Variants in ECHDC3 observed in about 807,000 individuals in gnomAD.
The protein encoded by ECHDC3 is enoyl-CoA hydratase domain containing 3, also known as enoyl-CoA hydratase domain-containing protein 3, mitochondrial.
In ECHDC3, 20 loss-of-function variants were observed where a neutral mutation model predicts 17.9. The observed-to-expected ratio is 1.12, with a 90% CI of 0.79 to 1.63. The LOEUF (loss-of-function observed/expected upper bound fraction) is 1.63. Among genes scored for constraint, ECHDC3 ranks in the 40% most tolerant of loss-of-function variants. The pLI is 0.00. For synonymous variants in ECHDC3, 177 were observed against 149.7 expected, an observed-to-expected ratio of 1.18 and a Z score of -1.33; for missense variants, 407 against 357.7, an observed-to-expected ratio of 1.14 and a Z score of -1.11.
chr10:11,763,733 A>AG lies in ECHDC3; in HGVS notation c.*191dup. On this transcript the variant is annotated 3_prime_UTR_variant, in exon 5 of 5. Transcript: ENST00000379215. This position sits in a 1 kb window ranked among gnomAD's most constrained non-coding sequence, Gnocchi z 4.9. ...GAAAGGACAAAATGGAGAGTGACTG[A>AG]GGTGCTGACCTCAGTGCAAGGCTGG... 1 of 1,402,138 alleles carries AG rather than the reference A, an allele frequency of 7.1e-7. No individual in the cohort carries two copies. Among genetic ancestry groups the AG allele is most frequent in the Non-Finnish European group, 9.3e-7 (1 of 1,079,870 alleles). 86.9% of individuals were successfully genotyped at this position (1,402,138 alleles called of 1,614,324 possible).
chr10:11,757,175 TG>T (rs1832893569), intron 4 of ECHDC3, among the ~76,000 whole-genome samples: 1 of 152,246 alleles, frequency 6.6e-6, no homozygotes, highest in African/African-American at 2.4e-5. Context: ...GACAGCTGCT[TG>T]TCCTCTTCAA....
At chr10:11,761,095 A>G (rs544693187) in intron 4 of ECHDC3, among the ~76,000 whole-genome samples, 4 of 152,208 alleles carry the variant, frequency 2.6e-5, no homozygotes, top group African/African-American at 4.8e-5. Flanking sequence ...TGTGGGCTCC[A>G]TCTCCACCCA....
chr10:11,759,863 C>G (rs1280706778), intron 4 of ECHDC3, among the ~76,000 whole-genome samples: 1 of 152,206 alleles, frequency 6.6e-6, no homozygotes, highest in Non-Finnish European at 1.5e-5. Context: ...ATTATACGAG[C>G]CTTGCACCTG....
At chr10:11,748,754 C>A (rs956374355) in intron 2 of ECHDC3, among the ~76,000 whole-genome samples, 1 of 152,084 alleles carries the variant, frequency 6.6e-6, no homozygotes, top group Non-Finnish European at 1.5e-5. Flanking sequence ...GGCGTGGGGG[C>A]AGGCACCTGT....
intron 4 of ECHDC3, among the ~76,000 whole-genome samples, chr10:11,757,738 A>G (rs1832899727): frequency 6.6e-6 from 1 of 152,248 alleles, no homozygotes; most frequent in Admixed American, 6.5e-5. Context: ...AACACTGAAA[A>G]GCAGAAATCA....
chr10:11,761,456 G>T (rs567087943), intron 4 of ECHDC3, among the ~76,000 whole-genome samples: 1 of 152,170 alleles, frequency 6.6e-6, no homozygotes, highest in East Asian at 1.9e-4. Context: ...GTGTGTCTCC[G>T]GCTAGTCCAG....
intron 4 of ECHDC3, among the ~76,000 whole-genome samples, chr10:11,761,705 C>T (rs1395711529): frequency 3.3e-5 from 5 of 152,218 alleles, no homozygotes; most frequent in African/African-American, 1.2e-4. Flanking sequence ...GCTTGGGCTT[C>T]CTCACAGCAT....
Position 11,742,712 on chromosome 10 carries a change from C to T in ECHDC3, c.136C>T (p.Arg46Trp), listed in dbSNP as rs1588460945. The change falls in exon 1 of 5, where the codon CGG becomes TGG. Residue 46 changes from arginine to tryptophan, a missense_variant. Transcript: ENST00000379215. ...GGCGGGGCGGCGGGAGTCGGAGCCG[C>T]GGCCCACCAGCGCGCGGCAGCTGGA... is the stretch of plus-strand genomic sequence containing the variant. ...AGAGRRESEP[R>W]PTSARQLDGI... is the part of the protein sequence containing the mutation. 8.1e-7 allele frequency: 1 copy of T among 1,237,552 alleles called. No individual in the cohort carries two copies. The highest frequency in any genetic ancestry group is 3.6e-5 in the South Asian group (1 of 28,084). 76.7% of individuals were successfully genotyped at this position (1,237,552 alleles called of 1,614,324 possible).
intron 2 of ECHDC3, among the ~76,000 whole-genome samples, chr10:11,748,010 A>C (rs1424255360): frequency 6.6e-6 from 1 of 152,250 alleles, no homozygotes; most frequent in Non-Finnish European, 1.5e-5. Flanking sequence ...AAGCATACAC[A>C]AAAAAATATG....
intron 1 of ECHDC3, among the ~76,000 whole-genome samples, chr10:11,746,219 T>C (rs1176441804): frequency 1.3e-5 from 2 of 151,580 alleles, no homozygotes; most frequent in Non-Finnish European, 2.9e-5. Flanking sequence ...TCCCAGCTAC[T>C]TGGGAGCCTG....
At chr10:11,743,844 G>C (rs1203251546) in intron 1 of ECHDC3, among the ~76,000 whole-genome samples, 1 of 152,230 alleles carries the variant, frequency 6.6e-6, no homozygotes, top group Admixed American at 6.5e-5. Flanking sequence ...TCTGGGCATG[G>C]CGGCCAGATG....
rs559732762 is a variant in ECHDC3, at chr10:11,764,000, A to C, written c.*456A>C. On this transcript the variant is annotated 3_prime_UTR_variant, in exon 5 of 5. Transcript: ENST00000379215. The surrounding 1 kb of genome is among the most constrained non-coding windows in gnomAD (Gnocchi z 4.9). ...CCACACAGAAAATCTTCTTGATTCT[A>C]TAGAGACTTAATCATGCCTATGGCT... The C allele has an allele frequency of 8.3e-6, 8 of 964,256 alleles. No individual in the cohort carries two copies. Among genetic ancestry groups the C allele is most frequent in the Non-Finnish European group, 8.6e-6 (7 of 810,112 alleles). The allele number at this position is 964,256 out of a possible 1,614,324, so 59.7% of individuals were successfully genotyped here.
At chr10:11,748,835 G>A (rs532742298) in intron 2 of ECHDC3, among the ~76,000 whole-genome samples, 22 of 152,270 alleles carry the variant, frequency 1.4e-4, no homozygotes, top group Admixed American at 2.0e-4. Context: ...GCAGTGAGCC[G>A]AGATCGTGCC....
intron 1 of ECHDC3, among the ~76,000 whole-genome samples, chr10:11,746,781 T>G (rs1443359737): frequency 6.6e-6 from 1 of 152,010 alleles, no homozygotes; most frequent in African/African-American, 2.4e-5. Flanking sequence ...ACTAAAAATA[T>G]GAAATTAGCC....
chr10:11,748,303 T>C (rs1466682221), intron 2 of ECHDC3, among the ~76,000 whole-genome samples: 4 of 151,972 alleles, frequency 2.6e-5, no homozygotes, highest in South Asian at 2.1e-4. Context: ...TTATAGCTCA[T>C]TGCAGCCTCA....
intron 1 of ECHDC3, among the ~76,000 whole-genome samples, chr10:11,747,048 C>A (rs1215842369): frequency 1.3e-5 from 2 of 152,140 alleles, no homozygotes; most frequent in Non-Finnish European, 2.9e-5. Flanking sequence ...GATTTTGGAA[C>A]CGCTGTGCAT....
intron 3 of ECHDC3, among the ~76,000 whole-genome samples, chr10:11,753,599 T>C (rs1431505256): frequency 1.3e-5 from 2 of 152,124 alleles, no homozygotes; most frequent in Non-Finnish European, 2.9e-5. Context: ...TTTCTTTCTT[T>C]GCAGCAAGAC....
At chr10:11,743,860 AAGG>A (rs1832723841) in intron 1 of ECHDC3, among the ~76,000 whole-genome samples, 1 of 152,236 alleles carries the variant, frequency 6.6e-6, no homozygotes, top group Admixed American at 6.5e-5. Context: ...AGATGGCAAA[AAGG>A]AGGCCGGTCG....
chr10:11,746,397 G>A (rs560202077), intron 1 of ECHDC3, among the ~76,000 whole-genome samples: 33 of 150,572 alleles, frequency 2.2e-4, no homozygotes, highest in Middle Eastern at 3.5e-3. Context: ...GAATAAGGCC[G>A]AGAATTCTAT....
Sources: gnomAD v4.1 joint callset for allele counts (sites outside exome capture counted in the v4.1 genomes callset) on GRCh38, gnomAD v4.1.1 for gene constraint, Gnocchi (gnomAD v3.1) non-coding constraint, MANE v1.5 for transcripts, NCBI Gene and HGNC (gene_info 2026-07-23, HGNC 2026-07-21) for gene names.